Variants in PAK5 observed in about 807,000 individuals in gnomAD.
PAK5 encodes serine/threonine-protein kinase PAK 5.
A neutral mutation model predicts 65.9 loss-of-function variants in PAK5; 16 were observed. That is an observed-to-expected ratio of 0.24 (90% CI 0.16 to 0.37). PAK5 has a LOEUF of 0.37. PAK5 is among the 10% of genes least tolerant of loss of function. The pLI is 1.00. For missense variants in PAK5, 785 were observed against 903.9 expected, an observed-to-expected ratio of 0.87 and a Z score of 1.69; for synonymous variants, 371 against 354.9, an observed-to-expected ratio of 1.05 and a Z score of -0.51.
At chr20:9,604,584 T>C (rs969890942) in intron 3 of PAK5, among the ~76,000 whole-genome samples, 2 of 152,198 alleles carry the variant, frequency 1.3e-5, no homozygotes, top group African/African-American at 4.8e-5. Context: ...CAGGTCTCTC[T>C]AGAGCCAAAG....
At chr20:9,644,454 C>A in intron 2 of PAK5, 115 bp from the exon 3 acceptor site, 1 of 659,588 alleles carries the variant, frequency 1.5e-6, no homozygotes. Context: ...CCTCTAGATC[C>A]CAGCTGCAAA....
intron 3 of PAK5, among the ~76,000 whole-genome samples, chr20:9,640,188 T>C (rs1042231643): frequency 2.7e-4 from 40 of 148,842 alleles, no homozygotes; most frequent in Non-Finnish European, 4.5e-4. Context: ...GTGTATCTCC[T>C]AATGCTATCC....
intron 1 of PAK5, among the ~76,000 whole-genome samples, chr20:9,825,977 A>T (rs969515556): frequency 6.6e-6 from 1 of 152,208 alleles, no homozygotes; most frequent in Non-Finnish European, 1.5e-5. Flanking sequence ...CAAGAGGGTA[A>T]CATAAACAAT....
intron 4 of PAK5, among the ~76,000 whole-genome samples, chr20:9,571,096 T>C (rs1258432026): frequency 1.3e-5 from 2 of 152,206 alleles, no homozygotes; most frequent in South Asian, 2.1e-4. Flanking sequence ...GAACAACTAG[T>C]ATCACAAGAG....
intron 1 of PAK5, among the ~76,000 whole-genome samples, chr20:9,816,587 A>G (rs1173865114): frequency 1.3e-5 from 2 of 152,130 alleles, no homozygotes; most frequent in African/African-American, 2.4e-5. Flanking sequence ...GAGCTTGGAC[A>G]TCAGTCTTAT....
At chr20:9,785,429 G>C (rs964954541) in intron 1 of PAK5, among the ~76,000 whole-genome samples, 1 of 152,180 alleles carries the variant, frequency 6.6e-6, no homozygotes, top group Non-Finnish European at 1.5e-5. Context: ...ATGATGAAAT[G>C]TGCTAGCTCA....
intron 3 of PAK5, among the ~76,000 whole-genome samples, chr20:9,582,261 C>T (rs2045992218): frequency 6.6e-6 from 1 of 152,146 alleles, no homozygotes; most frequent in African/African-American, 2.4e-5. Context: ...TAGTTCATTA[C>T]ATTTATTTGT....
intron 1 of PAK5, among the ~76,000 whole-genome samples, chr20:9,801,923 G>A (rs920483996): frequency 1.3e-5 from 2 of 152,144 alleles, no homozygotes; most frequent in African/African-American, 4.8e-5. Flanking sequence ...TGAGAGACAT[G>A]GGGACTAAAA....
chr20:9,648,762 T>C (rs925507139), intron 2 of PAK5, among the ~76,000 whole-genome samples: 1 of 152,176 alleles, frequency 6.6e-6, no homozygotes, highest in Non-Finnish European at 1.5e-5. Context: ...TTTAATCACT[T>C]GTGAGAGCAA....
chr20:9,827,031 T>C (rs1600417196), intron 1 of PAK5, among the ~76,000 whole-genome samples: 1 of 122,362 alleles, frequency 8.2e-6, no homozygotes, highest in Admixed American at 8.9e-5. Flanking sequence ...CTTATACCCA[T>C]GTCCAATATT....
chr20:9,637,400 G>A (rs2046996328), intron 3 of PAK5, among the ~76,000 whole-genome samples: 1 of 152,004 alleles, frequency 6.6e-6, no homozygotes. Flanking sequence ...GTATACACAG[G>A]AAACGAGAGT....
chr20:9,701,224 A>G (rs1283976857), intron 2 of PAK5, among the ~76,000 whole-genome samples: 1 of 152,184 alleles, frequency 6.6e-6, no homozygotes, highest in Non-Finnish European at 1.5e-5. Flanking sequence ...GAACTGTTAA[A>G]AGTTTGTCTT....
chr20:9,588,500 A>T (rs2046109976), intron 3 of PAK5, among the ~76,000 whole-genome samples: 1 of 152,244 alleles, frequency 6.6e-6, no homozygotes, highest in South Asian at 2.1e-4. Flanking sequence ...CACCCAAAAA[A>T]GTATAAGAAA....
At chr20:9,741,821 C>T (rs1375124546) in intron 1 of PAK5, among the ~76,000 whole-genome samples, 1 of 151,772 alleles carries the variant, frequency 6.6e-6, no homozygotes, top group Non-Finnish European at 1.5e-5. Context: ...ATCTTTGATA[C>T]ATCCACTTCT....
At chr20:9,741,459 T>C (rs2048450310) in intron 1 of PAK5, among the ~76,000 whole-genome samples, 1 of 152,164 alleles carries the variant, frequency 6.6e-6, no homozygotes, top group Non-Finnish European at 1.5e-5. Context: ...GAATAAGCTT[T>C]CGGAGGAATG....
In PAK5 at chr20:9,617,549, C is replaced by CTTT. The variant is rs532259417; in HGVS notation, c.204+26573_204+26575dup. ...GGGATGAGACCCAAGAATCCCAATC[C>CTTT]TTTTTTTTTTTTTTTTTTTTTTTTG... is the stretch of plus-strand genomic sequence containing the variant. On this transcript the variant is annotated intron_variant, in intron 3 of 9. Coordinates refer to ENST00000353224, the MANE Select transcript of PAK5 (RefSeq NM_177990.4). 3.8e-3 allele frequency among the ~76,000 whole-genome samples: 360 copies of CTTT among 94,608 alleles called. 15 individuals carry two copies. The highest frequency in any genetic ancestry group is 8.3e-3 in the African/African-American group (228 of 27,344). 62.1% of individuals were successfully genotyped at this position (94,608 alleles called of 152,430 possible).
chr20:9,668,093 T>C (rs1261849407), intron 2 of PAK5, among the ~76,000 whole-genome samples: 1 of 152,126 alleles, frequency 6.6e-6, no homozygotes, highest in Non-Finnish European at 1.5e-5. Flanking sequence ...TAAGAATTGC[T>C]TTTTCACATA....
rs1979330406 is a variant in PAK5 at position 9,838,409 on chromosome 20, G to A, written c.-162+353C>T. On this transcript the variant is annotated intron_variant, in intron 1 of 9. Coordinates refer to ENST00000353224, the MANE Select transcript of PAK5 (RefSeq NM_177990.4). This position sits in a 1 kb window ranked among gnomAD's most constrained non-coding sequence, Gnocchi z 4.5. ...TATACACACAAAGAACTGGTGCTGG[G>A]CTTGCGAGCAGTTCGGGGTACCAGC... Among the ~76,000 whole-genome samples, 1 of 152,118 alleles carries A rather than the reference G, an allele frequency of 6.6e-6. No individual in the cohort carries two copies. Among genetic ancestry groups the A allele is most frequent in the Admixed American group, 6.5e-5 (1 of 15,280 alleles).
chr20:9,580,845 G>C lies in PAK5; in HGVS notation c.290C>G (p.Ser97Cys), dbSNP rs776084037. The part of the protein sequence containing the change: ...EDFDNISVTR[S>C]NSLRKESPPT... ...TGGGCTTTCTTTCCTTAGGGAGTTGGAGCGAGTCACCGAGATGTTGTCAAA... is the reference window on the plus strand; with the variant it reads ...TGGGCTTTCTTTCCTTAGGGAGTTGCAGCGAGTCACCGAGATGTTGTCAAA... The change falls in exon 4 of 10, where the codon TCC (serine) becomes TGC (cysteine). Residue 97 changes from serine (S) to cysteine (C), a missense_variant. Transcript: ENST00000353224. 3 of 1,613,720 alleles carry C rather than the reference G, an allele frequency of 1.9e-6. No individual in the cohort carries two copies. The highest frequency in any genetic ancestry group is 2.5e-6 in the Non-Finnish European group (3 of 1,179,888).
Sources: allele counts gnomAD v4.1 joint callset (sites outside exome capture counted in the v4.1 genomes callset), GRCh38; gene constraint gnomAD v4.1.1; non-coding constraint Gnocchi (gnomAD v3.1); transcripts MANE v1.5; gene names NCBI Gene and HGNC (gene_info 2026-07-23, HGNC 2026-07-21).